MYT1L: variants seen among roughly 807,000 people sequenced by gnomAD.
MYT1L encodes the protein myelin transcription factor 1 like.
MYT1L carries 12 observed loss-of-function variants against 126.7 expected under a neutral mutation model. The observed-to-expected ratio is 0.09, with a 90% CI of 0.06 to 0.15. The LOEUF (loss-of-function observed/expected upper bound fraction) is 0.15. MYT1L is among the 10% of genes least tolerant of loss of function. The probability of loss-of-function intolerance (pLI) is 1.00; values close to 1 mark genes in which losing one functional copy is unlikely to be tolerated. For synonymous variants in MYT1L, 541 were observed against 604.2 expected, an observed-to-expected ratio of 0.90 and a Z score of 1.53; for missense variants, 979 against 1,585.2, an observed-to-expected ratio of 0.62 and a Z score of 6.49.
rs142730498 is a variant in MYT1L at position 2,186,358 on chromosome 2, A to C, written c.-420-13370T>G. Among the ~76,000 whole-genome samples the C allele has an allele frequency of 7.2e-3, 1,098 of 152,290 alleles. 12 individuals are homozygous for C. Among genetic ancestry groups the C allele is most frequent in the African/African-American group, 0.023 (956 of 41,544 alleles). ...AGGGGGACGCAGCCGGGCCTTCCCG[A>C]GTCCTGCGGTCCTTACTGGTTAACT... On this transcript the variant is annotated intron_variant, in intron 2 of 24. Coordinates refer to ENST00000647738, the MANE Select transcript of MYT1L (RefSeq NM_001303052.2).
intron 8 of MYT1L, among the ~76,000 whole-genome samples, chr2:1,955,434 T>C (rs757722871): frequency 3.3e-5 from 5 of 152,158 alleles, no homozygotes; most frequent in Admixed American, 6.5e-5. Context: ...ATATATTATA[T>C]GTAAAATATT....
intron 3 of MYT1L, among the ~76,000 whole-genome samples, chr2:2,121,630 G>A (rs2081028206): frequency 6.6e-6 from 1 of 151,912 alleles, no homozygotes; most frequent in South Asian, 2.1e-4. Context: ...GGGATTACAG[G>A]TGCGCACCAC....
intron 3 of MYT1L, among the ~76,000 whole-genome samples, chr2:2,092,152 GCCTT>G (rs1464262756): frequency 1.3e-5 from 2 of 152,150 alleles, no homozygotes; most frequent in Non-Finnish European, 2.9e-5. Context: ...GTTTCAACAT[GCCTT>G]CCTTACTAAG....
chr2:2,291,727 G>A (rs2095603143), intron 1 of MYT1L, among the ~76,000 whole-genome samples: 2 of 152,202 alleles, frequency 1.3e-5, no homozygotes, highest in South Asian at 2.1e-4. Flanking sequence ...CCCTTGCCAC[G>A]TGCAGGCGCC....
intron 2 of MYT1L, among the ~76,000 whole-genome samples, chr2:2,183,177 C>T (rs2091722765): frequency 6.6e-6 from 1 of 152,220 alleles, no homozygotes; most frequent in Middle Eastern, 3.4e-3. Flanking sequence ...TGAATTGTAT[C>T]CCTCAGGACC....
intron 4 of MYT1L, among the ~76,000 whole-genome samples, chr2:2,007,639 T>C (rs1435829502): frequency 6.6e-6 from 1 of 152,204 alleles, no homozygotes; most frequent in Admixed American, 6.5e-5. Context: ...TATTTTTTTT[T>C]CTTTTGGCCT....
chr2:2,282,051 ATGG>A (rs1460551729), intron 2 of MYT1L, among the ~76,000 whole-genome samples: 1 of 152,232 alleles, frequency 6.6e-6, no homozygotes, highest in Non-Finnish European at 1.5e-5. Flanking sequence ...AGAAACAATA[ATGG>A]TCGCTATATT....
intron 22 of MYT1L, among the ~76,000 whole-genome samples, chr2:1,803,433 A>T (rs2035190484): frequency 6.6e-6 from 1 of 152,232 alleles, no homozygotes; most frequent in African/African-American, 2.4e-5. Flanking sequence ...TTGGACTGGG[A>T]TGCTTAGTTT....
intron 8 of MYT1L, among the ~76,000 whole-genome samples, chr2:1,971,092 A>C (rs913200434): frequency 2.6e-5 from 4 of 152,160 alleles, no homozygotes; most frequent in Admixed American, 6.5e-5. Flanking sequence ...AGGTGGGAGG[A>C]TCACTTGAAC....
intron 10 of MYT1L, among the ~76,000 whole-genome samples, chr2:1,921,884 T>C (rs908053293): frequency 6.6e-6 from 1 of 152,234 alleles, no homozygotes; most frequent in Non-Finnish European, 1.5e-5. Context: ...ATTTATAAAA[T>C]GTGTGCTTTA....
intron 1 of MYT1L, among the ~76,000 whole-genome samples, chr2:2,322,593 TA>T (rs1207082061): frequency 0.012 from 1,546 of 133,700 alleles, 24 homozygotes; most frequent in African/African-American, 0.035. Flanking sequence ...ATTTTGACCC[TA>T]AAAAAAAAAA....
chr2:1,882,141 C>A (rs2047640646), intron 18 of MYT1L, among the ~76,000 whole-genome samples: 1 of 152,244 alleles, frequency 6.6e-6, no homozygotes, highest in South Asian at 2.1e-4. Context: ...TGTCAGGCAC[C>A]CTACAAGCCT....
In MYT1L at chr2:1,867,945, T is replaced by C. The variant is rs527847855; in HGVS notation, c.2712-16242A>G. Among the ~76,000 whole-genome samples the C allele has an allele frequency of 6.0e-4, 92 of 152,070 alleles. 1 individual carries two copies. The highest frequency in any genetic ancestry group is 2.1e-3 in the African/African-American group (89 of 41,460). On this transcript the variant is annotated intron_variant, in intron 18 of 24. Transcript: ENST00000647738. ...CTATCTTTATTTAGTAAACCTTCAA[T>C]GGGAAGCAACTTTGGCTCTATGCTT...
chr2:2,190,555 TAAAAAAAA>T (rs777939174), intron 2 of MYT1L, among the ~76,000 whole-genome samples: 1 of 108,452 alleles, frequency 9.2e-6, no homozygotes, highest in South Asian at 3.2e-4. Context: ...CAAGACCTGT[TAAAAAAAA>T]AAAAAAAAAA....
chr2:2,133,200 T>A (rs1156317102), intron 3 of MYT1L, among the ~76,000 whole-genome samples: 1 of 152,134 alleles, frequency 6.6e-6, no homozygotes, highest in Non-Finnish European at 1.5e-5. Context: ...TTTAGGAAGA[T>A]CACAGGACGG....
chr2:2,242,045 AG>A (rs149012991), intron 2 of MYT1L, among the ~76,000 whole-genome samples: 7,011 of 152,248 alleles, frequency 0.046, 226 homozygotes, highest in Non-Finnish European at 0.074. Flanking sequence ...GAAAAGGAAG[AG>A]AAAAGGAGAA....
At chr2:2,158,273 A>C (rs2087067355) in intron 3 of MYT1L, among the ~76,000 whole-genome samples, 1 of 152,090 alleles carries the variant, frequency 6.6e-6, no homozygotes, top group Non-Finnish European at 1.5e-5. Flanking sequence ...GAAGGAAAAA[A>C]AACCCACTTC....
intron 3 of MYT1L, among the ~76,000 whole-genome samples, chr2:2,137,286 T>A (rs995094282): frequency 6.6e-6 from 1 of 152,208 alleles, no homozygotes; most frequent in African/African-American, 2.4e-5. Flanking sequence ...ATAGATTCAA[T>A]GCCATCCTCA....
intron 8 of MYT1L, among the ~76,000 whole-genome samples, chr2:1,966,657 GAAC>G (rs2059383642): frequency 6.6e-6 from 1 of 151,744 alleles, no homozygotes; most frequent in African/African-American, 2.4e-5. Flanking sequence ...AAATACATTT[GAAC>G]AATAAAAGAA....
Sources: gnomAD v4.1 joint callset for allele counts (sites outside exome capture counted in the v4.1 genomes callset) on GRCh38, gnomAD v4.1.1 for gene constraint, MANE v1.5 for transcripts, NCBI Gene and HGNC (gene_info 2026-07-23, HGNC 2026-07-21) for gene names.